ZNF385D: variants seen among roughly 807,000 people sequenced by gnomAD.
The protein encoded by ZNF385D is zinc finger protein 659.
ZNF385D carries 15 observed loss-of-function variants against 35.8 expected under a neutral mutation model. The observed-to-expected ratio is 0.42, with a 90% CI of 0.28 to 0.64. ZNF385D has a LOEUF of 0.64. Ranked by LOEUF, ZNF385D falls within the 30% of genes least tolerant of loss-of-function variation. The pLI, the probability that ZNF385D is intolerant of heterozygous loss-of-function variation, is 0.23. For missense variants in ZNF385D, 474 were observed against 494.6 expected (o/e 0.96, Z 0.39); for synonymous variants, 212 against 186.8 (o/e 1.13, Z -1.10).
intron 5 of ZNF385D, among the ~76,000 whole-genome samples, chr3:21,430,046 C>T (rs964138375): frequency 5.9e-4 from 90 of 152,128 alleles, no homozygotes; most frequent in African/African-American, 1.9e-3. Context: ...TAGCATCAAA[C>T]GCTTCCATGT....
At chr3:21,929,378 G>A (rs945102464) in intron 3 of ZNF385D, among the ~76,000 whole-genome samples, 3 of 151,908 alleles carry the variant, frequency 2.0e-5, no homozygotes, top group African/African-American at 7.2e-5. Flanking sequence ...AATAAAAATT[G>A]AATACTCTCA....
chr3:21,529,068 T>G (rs233148), intron 3 of ZNF385D, among the ~76,000 whole-genome samples: 115,160 of 151,920 alleles, frequency 0.76, 43,828 homozygotes, highest in East Asian at 0.89. Context: ...TCCATTTTTT[T>G]TGTGTGTGTG....
At chr3:21,741,125 C>G (rs546636856) in intron 1 of ZNF385D, among the ~76,000 whole-genome samples, 72 of 152,180 alleles carry the variant, frequency 4.7e-4, no homozygotes, top group Middle Eastern at 3.4e-3. Flanking sequence ...TATCACCTAT[C>G]GGCATCAGGG....
intron 3 of ZNF385D, chr3:21,561,908 A>G (rs1407232609): frequency 6.6e-6 from 1 of 152,232 alleles, no homozygotes; most frequent in Non-Finnish European, 1.5e-5. Flanking sequence ...GAGCTGAGAT[A>G]TGCCTGCATA....
intron 1 of ZNF385D, among the ~76,000 whole-genome samples, chr3:21,706,837 T>C (rs981617332): frequency 2.0e-5 from 3 of 151,912 alleles, no homozygotes; most frequent in Non-Finnish European, 4.4e-5. Flanking sequence ...GATAGATAGA[T>C]AGATAGATAG....
At chr3:21,556,062 G>GTTTTTTTTTTT (rs1362972751) in intron 3 of ZNF385D, among the ~76,000 whole-genome samples, 21 of 93,128 alleles carry the variant, frequency 2.3e-4, no homozygotes, top group South Asian at 6.6e-4. Context: ...CGTTTTTTTT[G>GTTTTTTTTTTT]TTTTTGTTTT....
intron 3 of ZNF385D, among the ~76,000 whole-genome samples, chr3:21,846,846 G>A (rs1173776224): frequency 6.6e-6 from 1 of 151,992 alleles, no homozygotes; most frequent in Non-Finnish European, 1.5e-5. Context: ...GCAGACACTT[G>A]GAACCTTGCT....
chr3:22,297,175 C>T lies in ZNF385D; in HGVS notation c.106+75275G>A, dbSNP rs542233189. Among the ~76,000 whole-genome samples, 14 of 152,228 alleles carry T rather than the reference C, an allele frequency of 9.2e-5. No homozygotes were observed. In the South Asian group the frequency reaches 2.9e-3, roughly 32 times the overall value. On this transcript the variant is annotated intron_variant, in intron 2 of 5. Transcript: ENST00000494108. ...ACTAGAATATGGTGGTACAGAAAGA[C>T]TGACTTGTTCCTAGTCTCAAGCTCC...
intron 3 of ZNF385D, among the ~76,000 whole-genome samples, chr3:21,871,696 C>A (rs1009899880): frequency 6.6e-6 from 1 of 152,024 alleles, no homozygotes; most frequent in African/African-American, 2.4e-5. Context: ...GAAAACTGAA[C>A]TTAGGAACAG....
chr3:22,094,173 C>G (rs1205749660), intron 3 of ZNF385D, among the ~76,000 whole-genome samples: 1 of 151,490 alleles, frequency 6.6e-6, no homozygotes, highest in African/African-American at 2.4e-5. Context: ...ATTTTCCTTT[C>G]TACCAATTAT....
intron 3 of ZNF385D, among the ~76,000 whole-genome samples, chr3:22,150,784 C>T: frequency 6.6e-6 from 1 of 152,038 alleles, no homozygotes; most frequent in East Asian, 1.9e-4. Context: ...GAAGCTTTAG[C>T]TTAATCTGAT....
chr3:21,632,033 T>C lies in ZNF385D; in HGVS notation c.165+32853A>G, dbSNP rs577757369. On this transcript the variant is annotated intron_variant, in intron 2 of 7. Transcript: ENST00000281523. ...AACATCCAGTAAAGATTTCCCTCAT[T>C]TCACCAATATTTATTAAATTCCAAA... Among the ~76,000 whole-genome samples, 11 of 152,274 alleles carry C rather than the reference T, an allele frequency of 7.2e-5. No homozygotes were observed. In the South Asian group the frequency reaches 1.4e-3, roughly 20 times the overall value.
chr3:22,060,219 T>C (rs1307865085), intron 3 of ZNF385D, among the ~76,000 whole-genome samples: 1 of 152,184 alleles, frequency 6.6e-6, no homozygotes, highest in East Asian at 1.9e-4. Context: ...AGATTTTGGA[T>C]CTTGTCAGCC....
At chr3:21,637,364 T>TC (rs2065479892) in intron 2 of ZNF385D, among the ~76,000 whole-genome samples, 1 of 152,126 alleles carries the variant, frequency 6.6e-6, no homozygotes, top group East Asian at 1.9e-4. Flanking sequence ...GGGTGTCCTT[T>TC]CCCCACTTTA....
chr3:21,770,874 T>C (rs2071044968), intron 3 of ZNF385D, among the ~76,000 whole-genome samples: 1 of 151,910 alleles, frequency 6.6e-6, no homozygotes, highest in Non-Finnish European at 1.5e-5. Flanking sequence ...ATTAAGAAAA[T>C]GTGGCACATA....
chr3:21,763,270 T>C (rs897651331), intron 3 of ZNF385D, among the ~76,000 whole-genome samples: 1 of 152,198 alleles, frequency 6.6e-6, no homozygotes, highest in East Asian at 1.9e-4. Context: ...GGCTCCGAGC[T>C]GTCAGGTCTC....
At chr3:22,068,965 G>A (rs966501083) in intron 3 of ZNF385D, among the ~76,000 whole-genome samples, 2 of 152,134 alleles carry the variant, frequency 1.3e-5, no homozygotes, top group Non-Finnish European at 1.5e-5. Context: ...ACATATCCAG[G>A]TGCTATCTTT....
At chr3:21,975,942 T>G (rs1313907514) in intron 3 of ZNF385D, among the ~76,000 whole-genome samples, 1 of 151,994 alleles carries the variant, frequency 6.6e-6, no homozygotes, top group Non-Finnish European at 1.5e-5. Context: ...CCAAACATAC[T>G]TGAAGGGTAA....
chr3:21,492,420 C>T (rs1380377393), intron 4 of ZNF385D, among the ~76,000 whole-genome samples: 3 of 106,632 alleles, frequency 2.8e-5, no homozygotes, highest in African/African-American at 1.0e-4. Context: ...GAAACAAGAC[C>T]AAAAAAAAAA....
Sources: gnomAD v4.1 joint callset for allele counts (sites outside exome capture counted in the v4.1 genomes callset) on GRCh38, gnomAD v4.1.1 for gene constraint, MANE v1.5 for transcripts, NCBI Gene and HGNC (gene_info 2026-07-23, HGNC 2026-07-21) for gene names.